PCDHGB3: variants seen among roughly 807,000 people sequenced by gnomAD.
The protein encoded by PCDHGB3 is protocadherin gamma-B3.
Under a neutral mutation model 59.2 loss-of-function variants are expected in PCDHGB3, and 40 were observed. That is an observed-to-expected ratio of 0.68 (90% CI 0.52 to 0.88). The LOEUF (loss-of-function observed/expected upper bound fraction) is 0.88. PCDHGB3 is among the 40% of genes least tolerant of loss of function. PCDHGB3 has a pLI of 0.00. For synonymous variants in PCDHGB3, 581 were observed against 503.6 expected, an observed-to-expected ratio of 1.15 and a Z score of -2.06; for missense variants, 1,309 against 1,187.9, an observed-to-expected ratio of 1.10 and a Z score of -1.50.
At chr5:141,498,669 C>T (rs774292307) in intron 2 of PCDHGB3, among the ~76,000 whole-genome samples, 29 of 152,156 alleles carry the variant, frequency 1.9e-4, no homozygotes, top group African/African-American at 6.0e-4. Flanking sequence ...TGGTGGCTCA[C>T]GCCTGTAATC....
chr5:141,487,423 C>T lies in PCDHGB3; in HGVS notation c.2416-7384C>T. 1 of 1,614,158 alleles carries T rather than the reference C, an allele frequency of 6.2e-7. No homozygotes were observed. Among genetic ancestry groups the T allele is most frequent in the Non-Finnish European group, 8.5e-7 (1 of 1,180,012 alleles). On this transcript the variant is annotated intron_variant, in intron 1 of 3. Transcript: ENST00000576222. The surrounding 1 kb of genome is among the most constrained non-coding windows in gnomAD (Gnocchi z 5.0). ...GGCTTCCCCCTTCCAATGGGATCCTCCGAATCCAGCTAGGGTCAGATGACC... is the reference window on the plus strand; with the variant it reads ...GGCTTCCCCCTTCCAATGGGATCCTTCGAATCCAGCTAGGGTCAGATGACC...
rs775963212 is a variant in PCDHGB3, at chr5:141,485,463, G to T, written c.2416-9344G>T. ...CCAATCGACCGAGAGGCACTGTGTG[G>T]GCTCAGTGCCAGCTGCATCGTGCCC... On this transcript the variant is annotated intron_variant, in intron 1 of 3. Coordinates refer to ENST00000576222, the MANE Select transcript of PCDHGB3 (RefSeq NM_018924.5). The surrounding 1 kb of genome is among the most constrained non-coding windows in gnomAD (Gnocchi z 5.7). The T allele has an allele frequency of 1.2e-6, 2 of 1,614,086 alleles. No individual in the cohort carries two copies. The highest frequency in any genetic ancestry group is 3.3e-5 in the Admixed American group (2 of 60,026).
chr5:141,388,756 A>G, intron 1 of PCDHGB3: 1 of 1,613,956 alleles, frequency 6.2e-7, no homozygotes, highest in South Asian at 1.1e-5. Flanking sequence ...ACCCAATTTG[A>G]CCTGAACTCT....
chr5:141,404,021 A>C lies in PCDHGB3; in HGVS notation c.2415+31212A>C, dbSNP rs192150782. 5 of 1,613,894 alleles carry C rather than the reference A, an allele frequency of 3.1e-6. No individual in the cohort carries two copies. The African/African-American group carries it at 4.0e-5, about 13-fold the overall frequency. ...CATTACATCTCTGTTTAGCCCAGTG[A>C]GAGAAGACGCACCTCAGGGAACAGT... On this transcript the variant is annotated intron_variant, in intron 1 of 3. Coordinates refer to ENST00000576222, the MANE Select transcript of PCDHGB3 (RefSeq NM_018924.5).
At chr5:141,410,585 G>A in intron 1 of PCDHGB3, 1 of 1,610,012 alleles carries the variant, frequency 6.2e-7, no homozygotes, top group South Asian at 1.1e-5. Flanking sequence ...TCATGGTGGG[G>A]AGGATTTGAC....
intron 1 of PCDHGB3, among the ~76,000 whole-genome samples, chr5:141,465,409 A>G (rs1037916815): frequency 3.3e-5 from 5 of 152,188 alleles, no homozygotes; most frequent in African/African-American, 4.8e-5. Flanking sequence ...AAGAAGCCAA[A>G]TCAGCACTGA....
At chr5:141,417,972 C>T (rs2154547391) in intron 1 of PCDHGB3, 2 of 1,613,830 alleles carry the variant, frequency 1.2e-6, no homozygotes, top group Admixed American at 1.7e-5. Flanking sequence ...TACTCGATTC[C>T]GGAGGAGCTG....
chr5:141,407,497 G>GTTTTTTTTTTTTTTTTT (rs1554102286), intron 1 of PCDHGB3, among the ~76,000 whole-genome samples: 2 of 151,970 alleles, frequency 1.3e-5, no homozygotes, highest in African/African-American at 4.8e-5. Context: ...CTTTATTTCT[G>GTTTTTTTTTTTTTTTTT]TTTTTCTTAG....
intron 1 of PCDHGB3, chr5:141,403,402 A>T: frequency 6.2e-7 from 1 of 1,614,076 alleles, no homozygotes; most frequent in Non-Finnish European, 8.5e-7. Flanking sequence ...TTCCTGGAGC[A>T]CGTTATCCAC....
At chr5:141,428,004 G>A in intron 1 of PCDHGB3, 1 of 1,601,732 alleles carries the variant, frequency 6.2e-7, no homozygotes, top group Non-Finnish European at 8.5e-7. Flanking sequence ...CGCACTCTTC[G>A]ATATAGTGCC....
chr5:141,403,053 C>T (rs754618954), intron 1 of PCDHGB3: 2 of 1,614,076 alleles, frequency 1.2e-6, no homozygotes, highest in Non-Finnish European at 1.7e-6. Context: ...ATTCGCTACT[C>T]AGTGCCTGAA....
chr5:141,385,308 C>A, intron 1 of PCDHGB3: 1 of 1,612,216 alleles, frequency 6.2e-7, no homozygotes, highest in Non-Finnish European at 8.5e-7. Context: ...GTAAAGAAAA[C>A]CTGCCAAGTA....
intron 1 of PCDHGB3, chr5:141,392,838 AGACGCGGC>A (rs1239948956): frequency 6.2e-7 from 1 of 1,608,522 alleles, no homozygotes; most frequent in South Asian, 1.1e-5. Context: ...GAGTCGCCCC[AGACGCGGC>A]GAGCTGATCC....
At chr5:141,465,494 G>C (rs2099104306) in intron 1 of PCDHGB3, among the ~76,000 whole-genome samples, 1 of 152,204 alleles carries the variant, frequency 6.6e-6, no homozygotes, top group African/African-American at 2.4e-5. Context: ...ATGAGCGGGA[G>C]CATTGTCGTG....
chr5:141,427,504 C>A (rs755936092), intron 1 of PCDHGB3: 8 of 579,302 alleles, frequency 1.4e-5, no homozygotes, highest in Middle Eastern at 2.7e-4. Context: ...ACAGATGGGA[C>A]CCTGGATTGG....
intron 1 of PCDHGB3, chr5:141,415,744 T>TTTG (rs2095926305): frequency 2.5e-6 from 1 of 404,416 alleles, no homozygotes; most frequent in South Asian, 6.6e-5. Context: ...ATTAAGGTTT[T>TTTG]TTTTTTTTTT....
chr5:141,463,359 T>C (rs2099057442), intron 1 of PCDHGB3, among the ~76,000 whole-genome samples: 2 of 151,672 alleles, frequency 1.3e-5, no homozygotes, highest in Admixed American at 6.6e-5. Flanking sequence ...GGATTTCCCC[T>C]TTCCTGCCCC....
chr5:141,473,974 C>T (rs958240236), intron 1 of PCDHGB3, among the ~76,000 whole-genome samples: 12 of 152,172 alleles, frequency 7.9e-5, no homozygotes, highest in Admixed American at 1.3e-4. Flanking sequence ...AAGTCTGAGG[C>T]GGGAGGATCC....
At chr5:141,372,976 A>G (rs1223476542) in intron 1 of PCDHGB3, 167 bp downstream of exon 1, 1 of 663,898 alleles carries the variant, frequency 1.5e-6, no homozygotes, top group Non-Finnish European at 2.5e-6. Context: ...CCTGTAGAAT[A>G]TCTGTGTTGC....
Sources: gnomAD v4.1 joint callset for allele counts (sites outside exome capture counted in the v4.1 genomes callset) on GRCh38, gnomAD v4.1.1 for gene constraint, Gnocchi (gnomAD v3.1) non-coding constraint, MANE v1.5 for transcripts, NCBI Gene and HGNC (gene_info 2026-07-23, HGNC 2026-07-21) for gene names.